ABCA13: variants seen among roughly 807,000 people sequenced by gnomAD.
The protein encoded by ABCA13 is ATP-binding cassette sub-family A member 13.
In ABCA13, 476 loss-of-function variants were observed where a neutral mutation model predicts 478.7. The ratio of observed to expected loss-of-function variants is 0.99; its 90% CI spans 0.92 to 1.07. ABCA13 has a LOEUF of 1.07. ABCA13 is among the 50% of genes least tolerant of loss of function. The pLI, the probability that ABCA13 is intolerant of heterozygous loss-of-function variation, is 0.00. For synonymous variants in ABCA13, 2,252 were observed against 2,158.9 expected, an observed-to-expected ratio of 1.04 and a Z score of -1.20; for missense variants, 6,060 against 5,910.6, an observed-to-expected ratio of 1.03 and a Z score of -0.83.
At chr7:48,178,885 G>A (rs1018139439) in intron 1 of ABCA13, among the ~76,000 whole-genome samples, 1 of 150,428 alleles carries the variant, frequency 6.6e-6, no homozygotes, top group African/African-American at 2.4e-5. Flanking sequence ...CCAGCATATT[G>A]CAGAGAAAAT....
chr7:48,389,238 C>T lies in ABCA13; in HGVS notation c.11654+18C>T, dbSNP rs1014536639. 1.3e-6 allele frequency: 2 copies of T among 1,596,684 alleles called. No individual in the cohort carries two copies. Among genetic ancestry groups the T allele is most frequent in the Admixed American group, 3.5e-5 (2 of 57,566 alleles). ...ACTATCATGTGGGTCCCATTTTACC[C>T]TTATCAAACACTGGGCATTTGATTC... On this transcript the variant is annotated intron_variant, in intron 37 of 61. Transcript: ENST00000435803.
At chr7:48,567,829 T>C (rs1469016202) in intron 55 of ABCA13, among the ~76,000 whole-genome samples, 1 of 152,150 alleles carries the variant, frequency 6.6e-6, no homozygotes, top group Non-Finnish European at 1.5e-5. Flanking sequence ...AGTTTATATT[T>C]TTACATGAGC....
At position 48,533,464 on chromosome 7, in the gene ABCA13, A is replaced by G. The variant is rs184346580; in HGVS notation, c.14354+5119A>G. 2.6e-3 allele frequency among the ~76,000 whole-genome samples: 399 copies of G among 152,064 alleles called. 1 individual carries two copies. Among genetic ancestry groups the G allele is most frequent in the Non-Finnish European group, 4.5e-3 (307 of 67,902 alleles). ...TTCCATGTGCTAATGAATAGAATGT[A>G]TATTCTGTAGCACATGAATGTTCTG... On this transcript the variant is annotated intron_variant, in intron 55 of 61. Transcript: ENST00000435803.
intron 3 of ABCA13, among the ~76,000 whole-genome samples, chr7:48,218,844 G>C (rs1786887986): frequency 6.6e-6 from 1 of 152,188 alleles, no homozygotes; most frequent in Non-Finnish European, 1.5e-5. Flanking sequence ...GTAACTCTTT[G>C]TGATGTAAGC....
At chr7:48,270,026 T>C (rs1157546686) in intron 16 of ABCA13, among the ~76,000 whole-genome samples, 1 of 152,204 alleles carries the variant, frequency 6.6e-6, no homozygotes, top group African/African-American at 2.4e-5. Flanking sequence ...AAAACTAGTC[T>C]ATATGTGCAC....
chr7:48,567,087 T>A (rs1213897082), intron 55 of ABCA13, among the ~76,000 whole-genome samples: 2 of 152,226 alleles, frequency 1.3e-5, no homozygotes, highest in Non-Finnish European at 2.9e-5. Flanking sequence ...GAAGATACCC[T>A]GCTCTGAAAG....
At chr7:48,477,347 C>A (rs1454347498) in intron 45 of ABCA13, among the ~76,000 whole-genome samples, 4 of 152,088 alleles carry the variant, frequency 2.6e-5, no homozygotes, top group Non-Finnish European at 5.9e-5. Flanking sequence ...CCTCAGGGAT[C>A]TAGAACTAGA....
At chr7:48,348,024 C>T (rs1808372722) in intron 29 of ABCA13, among the ~76,000 whole-genome samples, 1 of 152,206 alleles carries the variant, frequency 6.6e-6, no homozygotes, top group African/African-American at 2.4e-5. Flanking sequence ...CCATCTGACC[C>T]ATAGTCCACA....
At chr7:48,218,377 G>C (rs1786809363) in intron 3 of ABCA13, among the ~76,000 whole-genome samples, 1 of 152,082 alleles carries the variant, frequency 6.6e-6, no homozygotes. Context: ...CAAGTTGAAG[G>C]CCACACTTAA....
chr7:48,253,999 T>C (rs1388035768), intron 15 of ABCA13, among the ~76,000 whole-genome samples: 1 of 151,976 alleles, frequency 6.6e-6, no homozygotes, highest in African/African-American at 2.4e-5. Context: ...TTGTTCCTCC[T>C]GTTTTCTTTA....
At chr7:48,488,382 G>A (rs1199254019) in intron 47 of ABCA13, among the ~76,000 whole-genome samples, 1 of 152,016 alleles carries the variant, frequency 6.6e-6, no homozygotes, top group Admixed American at 6.6e-5. Context: ...AAAAGAGATT[G>A]GAAGCCCTCA....
intron 27 of ABCA13, among the ~76,000 whole-genome samples, chr7:48,331,748 C>CTG (rs1805436768): frequency 6.6e-6 from 1 of 152,070 alleles, no homozygotes; most frequent in Admixed American, 6.6e-5. Flanking sequence ...TCCCATTTTA[C>CTG]TGTGTGTGTG....
At chr7:48,542,324 G>A (rs923698087) in intron 55 of ABCA13, among the ~76,000 whole-genome samples, 1 of 151,688 alleles carries the variant, frequency 6.6e-6, no homozygotes, top group Admixed American at 6.6e-5. Context: ...TTTTATTTAT[G>A]AAGTACTAGA....
At chr7:48,530,384 CTTG>C (rs1833149578) in intron 55 of ABCA13, among the ~76,000 whole-genome samples, 1 of 151,698 alleles carries the variant, frequency 6.6e-6, no homozygotes, top group Non-Finnish European at 1.5e-5. Flanking sequence ...TCTTTATCCA[CTTG>C]TTGATTGATG....
At chr7:48,356,029 C>T (rs1159931926) in intron 31 of ABCA13, among the ~76,000 whole-genome samples, 1 of 151,758 alleles carries the variant, frequency 6.6e-6, no homozygotes. Context: ...AATGTGGGGC[C>T]CCTCCCATGA....
rs919805254 is a variant in ABCA13 at position 48,193,057 on chromosome 7, G to A, written c.163+5G>A. 1 of 1,522,122 alleles carries A rather than the reference G, an allele frequency of 6.6e-7. No individual in the cohort carries two copies. Among genetic ancestry groups the A allele is most frequent in the South Asian group, 1.2e-5 (1 of 80,602 alleles). 94.3% of individuals were successfully genotyped at this position (1,522,122 alleles called of 1,614,324 possible). ...CTCCCAGATACAGAGACATTTGTAA[G>A]TTTCACTTTTTAATATACTTTTTGA... On this transcript the variant is annotated splice_donor_5th_base_variant and intron_variant, in intron 2 of 61. Transcript: ENST00000435803.
chr7:48,207,694 A>G (rs1047386698), intron 3 of ABCA13, among the ~76,000 whole-genome samples: 4 of 152,138 alleles, frequency 2.6e-5, no homozygotes, highest in Non-Finnish European at 5.9e-5. Flanking sequence ...TATTCTGGTT[A>G]TTAATCCCTT....
intron 1 of ABCA13, among the ~76,000 whole-genome samples, chr7:48,183,117 T>C (rs911394597): frequency 2.6e-5 from 4 of 152,322 alleles, no homozygotes; most frequent in East Asian, 1.9e-4. Context: ...TCTAAACTTA[T>C]GGTGTTTTCC....
At chr7:48,280,205 C>T (rs148560885) in intron 18 of ABCA13, among the ~76,000 whole-genome samples, 1 of 152,266 alleles carries the variant, frequency 6.6e-6, no homozygotes, top group African/African-American at 2.4e-5. Context: ...TTCACTCATC[C>T]CAAGACTAGT....
Sources: gnomAD v4.1 joint callset for allele counts (sites outside exome capture counted in the v4.1 genomes callset) on GRCh38, gnomAD v4.1.1 for gene constraint, MANE v1.5 for transcripts, NCBI Gene and HGNC (gene_info 2026-07-23, HGNC 2026-07-21) for gene names.